MBD5: variants seen among roughly 807,000 people sequenced by gnomAD.
The protein encoded by MBD5 is methyl-CpG binding domain protein 5.
A neutral mutation model predicts 117.3 loss-of-function variants in MBD5; 13 were observed. The ratio of observed to expected loss-of-function variants is 0.11; its 90% CI spans 0.07 to 0.18. The LOEUF is 0.18. Among genes scored for constraint, MBD5 ranks in the 10% least tolerant of loss-of-function variants. The pLI, the probability that MBD5 is intolerant of heterozygous loss-of-function variation, is 1.00. For missense variants in MBD5, 1,879 were observed against 2,093.8 expected, an observed-to-expected ratio of 0.90 and a Z score of 2.00; for synonymous variants, 727 against 766.4, an observed-to-expected ratio of 0.95 and a Z score of 0.85.
chr2:148,117,313 T>A (rs1696663833), intron 1 of MBD5, among the ~76,000 whole-genome samples: 1 of 147,982 alleles, frequency 6.8e-6, no homozygotes, highest in Non-Finnish European at 1.5e-5. Context: ...TCTTTCTTCT[T>A]TCCTTTTTCA....
intron 1 of MBD5, among the ~76,000 whole-genome samples, chr2:148,056,904 T>C (rs1342691790): frequency 6.6e-6 from 1 of 151,852 alleles, no homozygotes; most frequent in African/African-American, 2.4e-5. Flanking sequence ...ATTTTTTTTT[T>C]AGTTGTCAAA....
chr2:148,127,074 C>T (rs1696917738), intron 1 of MBD5, among the ~76,000 whole-genome samples: 1 of 150,254 alleles, frequency 6.7e-6, no homozygotes, highest in African/African-American at 2.5e-5. Context: ...CTCCCGGGTT[C>T]GGGCGATTCT....
chr2:148,378,513 C>A (rs1704050193), intron 4 of MBD5, among the ~76,000 whole-genome samples: 1 of 151,770 alleles, frequency 6.6e-6, no homozygotes, highest in African/African-American at 2.4e-5. Context: ...TAAATAATTC[C>A]TTTTTTTGTC....
intron 3 of MBD5, among the ~76,000 whole-genome samples, chr2:148,313,112 G>A (rs1381141667): frequency 1.3e-5 from 2 of 152,184 alleles, no homozygotes; most frequent in African/African-American, 2.4e-5. Flanking sequence ...GTATCTCCCA[G>A]TCAGGAGGCA....
At chr2:148,461,791 A>T (rs899949232) in intron 5 of MBD5, among the ~76,000 whole-genome samples, 3 of 152,218 alleles carry the variant, frequency 2.0e-5, no homozygotes, top group Non-Finnish European at 4.4e-5. Flanking sequence ...ATTACTACTT[A>T]ATCTGTATTG....
intron 4 of MBD5, among the ~76,000 whole-genome samples, chr2:148,344,116 A>T (rs1212914760): frequency 1.3e-5 from 2 of 152,014 alleles, no homozygotes; most frequent in Admixed American, 6.6e-5. Flanking sequence ...CAAAGATTAG[A>T]TGGCTGTAGG....
At chr2:148,140,190 A>G (rs1208612291) in intron 1 of MBD5, among the ~76,000 whole-genome samples, 1 of 152,162 alleles carries the variant, frequency 6.6e-6, no homozygotes, top group South Asian at 2.1e-4. Context: ...TCATATTGGA[A>G]CCATTATTTA....
intron 1 of MBD5, among the ~76,000 whole-genome samples, chr2:148,061,177 G>T (rs1695025565): frequency 6.6e-6 from 1 of 151,964 alleles, no homozygotes; most frequent in African/African-American, 2.4e-5. Context: ...TTTACAAAGT[G>T]TTCTTCCCCT....
chr2:148,263,587 C>T (rs1405968390), intron 3 of MBD5, among the ~76,000 whole-genome samples: 1 of 152,020 alleles, frequency 6.6e-6, no homozygotes, highest in African/African-American at 2.4e-5. Context: ...AATCAATCTT[C>T]AAAGACCGGA....
intron 4 of MBD5, among the ~76,000 whole-genome samples, chr2:148,384,055 C>G (rs1704255625): frequency 6.6e-6 from 1 of 152,048 alleles, no homozygotes; most frequent in Non-Finnish European, 1.5e-5. Context: ...TGGCACAAGA[C>G]AGGGATGCCC....
At chr2:148,144,977 C>A (rs2105573781) in intron 1 of MBD5, among the ~76,000 whole-genome samples, 1 of 152,278 alleles carries the variant, frequency 6.6e-6, no homozygotes, top group Middle Eastern at 3.4e-3. Context: ...TTTTCCAATT[C>A]TGTGAAGAAA....
chr2:148,310,634 G>A (rs960976797), intron 3 of MBD5, among the ~76,000 whole-genome samples: 1 of 151,908 alleles, frequency 6.6e-6, no homozygotes, highest in Non-Finnish European at 1.5e-5. Context: ...TGTTTTTCGT[G>A]TCTCTCTATC....
At chr2:148,360,675 G>A (rs2105300238) in intron 4 of MBD5, among the ~76,000 whole-genome samples, 1 of 152,190 alleles carries the variant, frequency 6.6e-6, no homozygotes, top group South Asian at 2.1e-4. Context: ...TAGGTAGAGT[G>A]TGCTGCATTG....
intron 1 of MBD5, among the ~76,000 whole-genome samples, chr2:148,152,358 A>T (rs1301431214): frequency 1.3e-5 from 2 of 152,114 alleles, no homozygotes; most frequent in African/African-American, 2.4e-5. Context: ...CTTTACTTCC[A>T]AGTTTGTGGT....
intron 4 of MBD5, among the ~76,000 whole-genome samples, chr2:148,365,845 C>CA (rs150043948): frequency 0.029 from 4,195 of 146,372 alleles, 77 homozygotes; most frequent in East Asian, 0.086. Flanking sequence ...AACACTCTAC[C>CA]AAAAAAAAAA....
Position 148,276,235 on chromosome 2 carries a change from G to A in MBD5, c.-680+42840G>A, listed in dbSNP as rs746580013. ...CTTGGGGGGCTGAGGCAGGAGAATAGCCTGAGCCTGGGAGTTGAAAGCTGC... is the reference window on the plus strand; with the variant it reads ...CTTGGGGGGCTGAGGCAGGAGAATAACCTGAGCCTGGGAGTTGAAAGCTGC... On this transcript the variant is annotated intron_variant, in intron 3 of 13. Transcript: ENST00000642680. Among the ~76,000 whole-genome samples, 31 of 152,244 alleles carry A rather than the reference G, an allele frequency of 2.0e-4. 1 individual carries two copies. The South Asian group carries it at 2.3e-3, about 11-fold the overall frequency.
chr2:148,276,602 CAT>C (rs1701119151), intron 3 of MBD5, among the ~76,000 whole-genome samples: 1 of 152,104 alleles, frequency 6.6e-6, no homozygotes, highest in African/African-American at 2.4e-5. Flanking sequence ...GAAAATTTAA[CAT>C]TGATACAACA....
At chr2:148,290,987 G>A (rs1306976379) in intron 3 of MBD5, among the ~76,000 whole-genome samples, 2 of 152,028 alleles carry the variant, frequency 1.3e-5, no homozygotes, top group African/African-American at 4.8e-5. Flanking sequence ...AGTGTATGAG[G>A]GTTTCAGTTT....
chr2:148,405,198 A>G (rs1020409548), intron 4 of MBD5, among the ~76,000 whole-genome samples: 2 of 152,212 alleles, frequency 1.3e-5, no homozygotes, highest in African/African-American at 4.8e-5. Flanking sequence ...TAGAAAAAAT[A>G]TTTGATCTCT....
Sources: gnomAD v4.1 joint callset for allele counts (sites outside exome capture counted in the v4.1 genomes callset) on GRCh38, gnomAD v4.1.1 for gene constraint, MANE v1.5 for transcripts, NCBI Gene and HGNC (gene_info 2026-07-23, HGNC 2026-07-21) for gene names.